The following AMOTL1 variants were observed in gnomAD, a reference collection of about 807,000 sequenced individuals.
AMOTL1 encodes the protein angiomotin like 1, also known as angiomotin-like protein 1.
AMOTL1 carries 45 observed loss-of-function variants against 102.9 expected under a neutral mutation model. That is an observed-to-expected ratio of 0.44 (90% CI 0.34 to 0.56). The LOEUF (loss-of-function observed/expected upper bound fraction) is 0.56. Among genes scored for constraint, AMOTL1 ranks in the 20% least tolerant of loss-of-function variants. The pLI is 0.01. For missense variants in AMOTL1, 1,114 were observed against 1,225.6 expected, an observed-to-expected ratio of 0.91 and a Z score of 1.36; for synonymous variants, 481 against 484.7, an observed-to-expected ratio of 0.99 and a Z score of 0.10.
intron 8 of AMOTL1, 31 bp from the exon 9 acceptor site, chr11:94,859,494 G>A (rs1952731343): frequency 6.3e-7 from 1 of 1,584,480 alleles, no homozygotes; most frequent in East Asian, 2.3e-5. Context: ...ATGTGGTTTT[G>A]AGCATCAAGA....
At chr11:94,841,591 A>G (rs1952304003) in intron 6 of AMOTL1, among the ~76,000 whole-genome samples, 2 of 152,266 alleles carry the variant, frequency 1.3e-5, no homozygotes, top group South Asian at 2.1e-4. Flanking sequence ...TGTGCCTCCT[A>G]TATTTATGTG....
chr11:94,709,245 A>T (rs1485927467), intron 1 of AMOTL1, among the ~76,000 whole-genome samples: 1 of 152,210 alleles, frequency 6.6e-6, no homozygotes, highest in African/African-American at 2.4e-5. Context: ...ACATTCTGGG[A>T]CAACCATTGC....
At chr11:94,784,875 G>T (rs1248000832) in intron 1 of AMOTL1, among the ~76,000 whole-genome samples, 1 of 151,956 alleles carries the variant, frequency 6.6e-6, no homozygotes, top group Non-Finnish European at 1.5e-5. Context: ...GGACTTGGAA[G>T]TGAGGTTTTT....
chr11:94,777,031 A>G (rs912393491), intron 1 of AMOTL1, among the ~76,000 whole-genome samples: 2 of 152,232 alleles, frequency 1.3e-5, no homozygotes, highest in South Asian at 2.1e-4. Flanking sequence ...TTCATTGCAG[A>G]AAAACACATG....
At chr11:94,808,568 A>G (rs1951607039) in intron 3 of AMOTL1, among the ~76,000 whole-genome samples, 1 of 152,146 alleles carries the variant, frequency 6.6e-6, no homozygotes, top group African/African-American at 2.4e-5. Flanking sequence ...CTTGCTGATC[A>G]CCATTCATGC....
intron 3 of AMOTL1, among the ~76,000 whole-genome samples, chr11:94,813,902 A>G (rs548947780): frequency 9.9e-5 from 15 of 152,188 alleles, no homozygotes; most frequent in African/African-American, 3.6e-4. Flanking sequence ...AGATTACACC[A>G]CTGCTTTTGA....
intron 1 of AMOTL1, among the ~76,000 whole-genome samples, chr11:94,785,660 G>C (rs1326134006): frequency 6.6e-6 from 1 of 152,100 alleles, no homozygotes; most frequent in African/African-American, 2.4e-5. Context: ...GTGGGATGCC[G>C]CTGCCTGACA....
At chr11:94,722,022 G>T (rs1474139883) in intron 1 of AMOTL1, among the ~76,000 whole-genome samples, 1 of 152,046 alleles carries the variant, frequency 6.6e-6, no homozygotes, top group African/African-American at 2.4e-5. Flanking sequence ...CTTCAGCCTA[G>T]CTCCTTCTCT....
chr11:94,811,691 A>G (rs1027048186), intron 3 of AMOTL1, among the ~76,000 whole-genome samples: 6 of 152,122 alleles, frequency 3.9e-5, no homozygotes, highest in African/African-American at 1.4e-4. Context: ...CAACAGAAAC[A>G]AACAAGCAAC....
At chr11:94,814,502 C>T (rs1951733165) in intron 3 of AMOTL1, among the ~76,000 whole-genome samples, 1 of 152,182 alleles carries the variant, frequency 6.6e-6, no homozygotes, top group Non-Finnish European at 1.5e-5. Context: ...CAGATCTGAG[C>T]TTAGTGTAAA....
chr11:94,861,512 T>C (rs74448912), intron 9 of AMOTL1, among the ~76,000 whole-genome samples: 3,730 of 152,312 alleles, frequency 0.024, 80 homozygotes, highest in African/African-American at 0.052. Flanking sequence ...ATGGAAAGAA[T>C]GCTTTAATGG....
chr11:94,822,354 G>A (rs944174248), intron 4 of AMOTL1, among the ~76,000 whole-genome samples: 3 of 152,180 alleles, frequency 2.0e-5, no homozygotes, highest in African/African-American at 7.2e-5. Context: ...ATGAGCTTGG[G>A]AAGCATAGGT....
chr11:94,759,612 G>C (rs528232940), intron 3 of AMOTL1, among the ~76,000 whole-genome samples: 1 of 146,948 alleles, frequency 6.8e-6, no homozygotes, highest in East Asian at 2.0e-4. Flanking sequence ...GCAAAAACCA[G>C]ACTTGAATCT....
intron 2 of AMOTL1, among the ~76,000 whole-genome samples, chr11:94,737,276 T>C (rs1380997878): frequency 6.6e-6 from 1 of 152,214 alleles, no homozygotes; most frequent in African/African-American, 2.4e-5. Context: ...AGCCAACTCT[T>C]GGAATGCAAA....
At chr11:94,728,130 A>G (rs974428412) in intron 1 of AMOTL1, among the ~76,000 whole-genome samples, 7 of 152,192 alleles carry the variant, frequency 4.6e-5, no homozygotes, top group Admixed American at 1.3e-4. Context: ...ATGTTCAATT[A>G]CTCAATCACT....
chr11:94,840,681 TACACACACACACACAC>T (rs111907230), intron 6 of AMOTL1, among the ~76,000 whole-genome samples: 1 of 104,810 alleles, frequency 9.5e-6, no homozygotes, highest in African/African-American at 4.0e-5. Flanking sequence ...TATATATATA[TACACACACACACACAC>T]ACACACACAC....
At position 94,873,764 on chromosome 11, in the gene AMOTL1, T is replaced by G. The variant is rs902623324; in HGVS notation, c.*2969T>G. 4 of 148,874 alleles carry G rather than the reference T, an allele frequency of 2.7e-5. No individual in the cohort carries two copies. Among genetic ancestry groups the G allele is most frequent in the African/African-American group, 1.0e-4 (4 of 39,400 alleles). 9.2% of individuals were successfully genotyped at this position (148,874 alleles called of 1,614,324 possible). ...TCTATGCCTGTCTGTGATGTGTGTGTGCACGTGTAACTACACACACACACA... is the reference window on the plus strand; with the variant it reads ...TCTATGCCTGTCTGTGATGTGTGTGGGCACGTGTAACTACACACACACACA... On this transcript the variant is annotated 3_prime_UTR_variant, in exon 13 of 13. Coordinates refer to ENST00000433060, the MANE Select transcript of AMOTL1 (RefSeq NM_130847.3).
intron 1 of AMOTL1, among the ~76,000 whole-genome samples, chr11:94,775,320 G>C (rs1253567336): frequency 6.6e-6 from 1 of 152,178 alleles, no homozygotes; most frequent in Non-Finnish European, 1.5e-5. Context: ...TGGATGGATG[G>C]TTAAGCTAGG....
intron 1 of AMOTL1, among the ~76,000 whole-genome samples, chr11:94,728,482 A>G (rs1475093657): frequency 1.3e-5 from 2 of 152,212 alleles, no homozygotes; most frequent in Non-Finnish European, 2.9e-5. Flanking sequence ...GCAGAAAATT[A>G]CAAGGAAGAT....
Sources: allele counts gnomAD v4.1 joint callset (sites outside exome capture counted in the v4.1 genomes callset), GRCh38; gene constraint gnomAD v4.1.1; transcripts MANE v1.5; gene names NCBI Gene and HGNC (gene_info 2026-07-23, HGNC 2026-07-21).